ANO4: variants seen among roughly 807,000 people sequenced by gnomAD.
The protein encoded by ANO4 is anoctamin 4.
Under a neutral mutation model 141.9 loss-of-function variants are expected in ANO4, and 69 were observed. The ratio of observed to expected loss-of-function variants is 0.49; its 90% CI spans 0.40 to 0.59. The LOEUF (loss-of-function observed/expected upper bound fraction) is 0.59. ANO4 is among the 20% of genes least tolerant of loss of function. The probability of loss-of-function intolerance (pLI) is 0.00; values close to 1 mark genes in which losing one functional copy is unlikely to be tolerated. For synonymous variants in ANO4, 350 were observed against 394.3 expected, an observed-to-expected ratio of 0.89 and a Z score of 1.33; for missense variants, 894 against 1,162.2, an observed-to-expected ratio of 0.77 and a Z score of 3.36.
In ANO4 at chr12:100,951,224, T is replaced by G. The variant is rs149767969; in HGVS notation, c.456+8689T>G. On this transcript the variant is annotated intron_variant, in intron 5 of 27. Transcript: ENST00000392977. ...AAAGTTGTGGAGAAAAGGGAATGTTTAGACACTGCTGGTGGGAGTGTCAGT... is the reference window on the plus strand; with the variant it reads ...AAAGTTGTGGAGAAAAGGGAATGTTGAGACACTGCTGGTGGGAGTGTCAGT... Among the ~76,000 whole-genome samples, 272 of 152,320 alleles carry G rather than the reference T, an allele frequency of 1.8e-3. 1 individual carries two copies. Among genetic ancestry groups the G allele is most frequent in the African/African-American group, 6.2e-3 (256 of 41,562 alleles).
intron 8 of ANO4, among the ~76,000 whole-genome samples, chr12:100,988,918 A>T (rs2044905539): frequency 6.6e-6 from 1 of 151,836 alleles, no homozygotes; most frequent in African/African-American, 2.4e-5. Flanking sequence ...AAGGTAAGCC[A>T]AATGGCAGTT....
At chr12:100,813,814 C>G (rs544015048) in intron 1 of ANO4, among the ~76,000 whole-genome samples, 2 of 152,098 alleles carry the variant, frequency 1.3e-5, no homozygotes, top group Non-Finnish European at 2.9e-5. Context: ...AAATTATATT[C>G]TTTGTAATCC....
chr12:101,016,123 C>A (rs12823961), intron 8 of ANO4, among the ~76,000 whole-genome samples: 45,339 of 151,924 alleles, frequency 0.3, 7,464 homozygotes, highest in Non-Finnish European at 0.38. Context: ...GTTTCATAGC[C>A]CCTGTGTTAG....
chr12:100,898,688 T>C (rs193155486), intron 1 of ANO4, among the ~76,000 whole-genome samples: 1 of 152,360 alleles, frequency 6.6e-6, no homozygotes, highest in East Asian at 1.9e-4. Context: ...CGTCATTTTG[T>C]GCTTCCTTCA....
intron 1 of ANO4, among the ~76,000 whole-genome samples, chr12:100,844,624 T>G (rs2135823969): frequency 6.6e-6 from 1 of 152,228 alleles, no homozygotes; most frequent in South Asian, 2.1e-4. Context: ...GTTTCTGACC[T>G]GCCTGTCTGG....
At chr12:100,934,052 G>C (rs2042191899) in intron 3 of ANO4, among the ~76,000 whole-genome samples, 1 of 152,130 alleles carries the variant, frequency 6.6e-6, no homozygotes, top group East Asian at 1.9e-4. Flanking sequence ...TAGATTTCCT[G>C]TTCACTCTGA....
intron 1 of ANO4, among the ~76,000 whole-genome samples, chr12:100,806,524 GTTTTTTTTTTTT>G (rs763949654): frequency 3.9e-3 from 232 of 59,802 alleles, no homozygotes; most frequent in African/African-American, 6.9e-3. Context: ...TTTTTGTTTC[GTTTTTTTTTTTT>G]TTTTTTTTTT....
At chr12:101,011,329 T>C (rs1303282240) in intron 8 of ANO4, among the ~76,000 whole-genome samples, 1 of 150,928 alleles carries the variant, frequency 6.6e-6, no homozygotes, top group Non-Finnish European at 1.5e-5. Flanking sequence ...TTTTTTTTTT[T>C]TTTTTTGCAA....
At chr12:100,885,121 T>C (rs75413106) in intron 1 of ANO4, among the ~76,000 whole-genome samples, 2,390 of 152,356 alleles carry the variant, frequency 0.016, 27 homozygotes, top group Non-Finnish European at 0.025. Context: ...TTTGAGGTCT[T>C]ATGTGATTAG....
intron 7 of ANO4, among the ~76,000 whole-genome samples, chr12:100,980,335 G>A (rs930103662): frequency 5.3e-5 from 8 of 152,134 alleles, no homozygotes; most frequent in South Asian, 2.1e-4. Context: ...TAAAATCCAC[G>A]TTGTCAGAAA....
At position 100,847,743 on chromosome 12, in the gene ANO4, T is replaced by A. The variant is rs544713422; in HGVS notation, c.-141+52716T>A. On this transcript the variant is annotated intron_variant, in intron 1 of 27. Transcript: ENST00000392977. ...GCCTCGGCCTCCCAAAGTGCTGGGA[T>A]TACAGGCGTGAGCCAAGATGAATTT... Among the ~76,000 whole-genome samples, 8 of 152,338 alleles carry A rather than the reference T, an allele frequency of 5.3e-5. No individual in the cohort carries two copies. The South Asian group carries it at 1.7e-3, about 32-fold the overall frequency.
At chr12:100,894,891 G>T (rs1007042517) in intron 1 of ANO4, among the ~76,000 whole-genome samples, 8 of 150,586 alleles carry the variant, frequency 5.3e-5, no homozygotes, top group Admixed American at 5.3e-4. Flanking sequence ...GCGTGAACCC[G>T]GGAGGCGGAG....
rs547440460 is a variant in ANO4 at position 100,899,153 on chromosome 12, A to G, written c.-140-2493A>G. On this transcript the variant is annotated intron_variant, in intron 1 of 27. Coordinates refer to ENST00000392977, the MANE Select transcript of ANO4 (RefSeq NM_001286615.2). ...GTGCCTGGGGGCAGCCTGCCAGCCT[A>G]TCTCCTACGGGGCCACCCAGCCTGA... Among the ~76,000 whole-genome samples the G allele has an allele frequency of 1.8e-4, 28 of 152,318 alleles. 1 individual carries two copies. In the East Asian group the frequency reaches 3.7e-3, roughly 20 times the overall value.
At chr12:100,735,118 A>C (rs1407125329) in intron 2 of ANO4, among the ~76,000 whole-genome samples, 2 of 152,106 alleles carry the variant, frequency 1.3e-5, no homozygotes, top group Non-Finnish European at 2.9e-5. Flanking sequence ...AATCAATGTT[A>C]ATGCTCACTG....
chr12:100,987,778 C>T lies in ANO4; in HGVS notation c.734+108C>T, dbSNP rs889080085. The T allele has an allele frequency of 3.5e-6, 5 of 1,431,448 alleles. No homozygotes were observed. The African/African-American group carries it at 4.3e-5, about 12-fold the overall frequency. The allele number at this position is 1,431,448 out of a possible 1,614,324, so 88.7% of individuals were successfully genotyped here. Reference sequence around the variant, plus strand: ...GGCATGAGGAAGGAACAGCATAGTGCCCTTCTCCCCTAAAAGTCTTGTGAG... The same window carrying T: ...GGCATGAGGAAGGAACAGCATAGTGTCCTTCTCCCCTAAAAGTCTTGTGAG... On this transcript the variant is annotated intron_variant, in intron 8 of 27. Coordinates refer to ENST00000392977, the MANE Select transcript of ANO4 (RefSeq NM_001286615.2).
intron 7 of ANO4, among the ~76,000 whole-genome samples, chr12:100,976,029 C>T (rs1479909373): frequency 6.7e-6 from 1 of 149,916 alleles, no homozygotes; most frequent in Non-Finnish European, 1.5e-5. Context: ...TTTTGAGGAG[C>T]TAGGGAGAAG....
At chr12:101,033,448 C>CT (rs1033590258) in intron 9 of ANO4, among the ~76,000 whole-genome samples, 1 of 151,610 alleles carries the variant, frequency 6.6e-6, no homozygotes, top group African/African-American at 2.4e-5. Flanking sequence ...GCACATGTAC[C>CT]CTAAAACTTA....
intron 8 of ANO4, among the ~76,000 whole-genome samples, chr12:100,989,913 T>C (rs1293722192): frequency 1.3e-5 from 2 of 150,104 alleles, no homozygotes; most frequent in African/African-American, 4.9e-5. Flanking sequence ...GATGGATGGA[T>C]GGATAGTGTA....
At chr12:100,734,202 T>C (rs2031511756) in intron 2 of ANO4, among the ~76,000 whole-genome samples, 1 of 152,242 alleles carries the variant, frequency 6.6e-6, no homozygotes, top group Admixed American at 6.5e-5. Context: ...TATATTAATC[T>C]ATTTTTAAAA....
Sources: allele counts gnomAD v4.1 joint callset (sites outside exome capture counted in the v4.1 genomes callset), GRCh38; gene constraint gnomAD v4.1.1; transcripts MANE v1.5; gene names NCBI Gene and HGNC (gene_info 2026-07-23, HGNC 2026-07-21).